The following BMPER variants were observed in gnomAD, a reference collection of about 807,000 sequenced individuals.
The protein encoded by BMPER is BMP binding endothelial regulator.
A neutral mutation model predicts 87.3 loss-of-function variants in BMPER; 45 were observed. The observed-to-expected ratio is 0.52, with a 90% CI of 0.41 to 0.66. The LOEUF is 0.66. Ranked by LOEUF, BMPER falls within the 30% of genes least tolerant of loss-of-function variation. BMPER has a pLI of 0.00. For missense variants in BMPER, 784 were observed against 867.5 expected (o/e 0.90, Z 1.21); for synonymous variants, 326 against 316.2 (o/e 1.03, Z -0.33).
intron 6 of BMPER, among the ~76,000 whole-genome samples, chr7:34,037,627 G>A (rs1787715641): frequency 6.6e-6 from 1 of 152,232 alleles, no homozygotes; most frequent in Admixed American, 6.5e-5. Flanking sequence ...TCAACTTAAG[G>A]GGTTGGTGCT....
chr7:33,970,292 TC>T, intron 4 of BMPER, 36 bp from the exon 5 acceptor site: 1 of 1,597,640 alleles, frequency 6.3e-7, no homozygotes, highest in Non-Finnish European at 8.6e-7. Context: ...CCGTGGGAAT[TC>T]TGGGCTGACT....
rs895874463 is a variant in BMPER at position 33,966,415 on chromosome 7, A to G, written c.320-64A>G. On this transcript the variant is annotated intron_variant, in intron 3 of 14. Coordinates refer to ENST00000649409, the MANE Select transcript of BMPER (RefSeq NM_001365308.1). ...TAGAGAACATAACTTATTTTGCTCC[A>G]AAAGGTAAAGGAAACCCATACCCAT... The G allele has an allele frequency of 8.5e-6, 12 of 1,417,976 alleles. No homozygotes were observed. In the African/African-American group the frequency reaches 1.3e-4, roughly 15 times the overall value. The allele number at this position is 1,417,976 out of a possible 1,614,324, so 87.8% of individuals were successfully genotyped here. A position where few individuals can be genotyped will look rare whatever the true frequency, so the allele number is the denominator to read the frequency against.
At chr7:33,935,413 C>A (rs1482382752) in intron 2 of BMPER, among the ~76,000 whole-genome samples, 2 of 152,078 alleles carry the variant, frequency 1.3e-5, no homozygotes, top group Non-Finnish European at 2.9e-5. Flanking sequence ...CTTAGATTAA[C>A]CAGATCTGAG....
chr7:34,038,089 G>A (rs1787729729), intron 6 of BMPER, among the ~76,000 whole-genome samples: 2 of 152,214 alleles, frequency 1.3e-5, no homozygotes, highest in African/African-American at 4.8e-5. Flanking sequence ...AGATGTCCAT[G>A]TCCTAATCTC....
intron 13 of BMPER, among the ~76,000 whole-genome samples, chr7:34,110,070 T>C (rs1470958592): frequency 6.6e-6 from 1 of 152,212 alleles, no homozygotes; most frequent in Non-Finnish European, 1.5e-5. Flanking sequence ...GATGAGATTT[T>C]GAAGCAGCGA....
chr7:34,153,441 T>C lies in BMPER; in HGVS notation c.*168T>C, dbSNP rs1791236300. 1.3e-5 allele frequency: 9 copies of C among 696,164 alleles called. No individual in the cohort carries two copies. The highest frequency in any genetic ancestry group is 1.9e-5 in the Non-Finnish European group (8 of 420,320). The allele number at this position is 696,164 out of a possible 1,614,324, so 43.1% of individuals were successfully genotyped here. ...ATTCAAAAACATTGCATCATTTATA[T>C]GAACTATAGGGGGATTATTATATGT... On this transcript the variant is annotated 3_prime_UTR_variant, in exon 15 of 15. Transcript: ENST00000649409.
intron 2 of BMPER, among the ~76,000 whole-genome samples, chr7:33,929,154 C>G (rs1483293522): frequency 1.3e-5 from 2 of 152,116 alleles, no homozygotes; most frequent in African/African-American, 4.8e-5. Context: ...GCGTGTTTGC[C>G]AGGGCCTGGG....
At chr7:34,003,053 C>G (rs2127936248) in intron 6 of BMPER, among the ~76,000 whole-genome samples, 1 of 151,738 alleles carries the variant, frequency 6.6e-6, no homozygotes, top group East Asian at 1.9e-4. Flanking sequence ...TGATGTTTTG[C>G]TGGTTTTTGT....
chr7:34,036,695 A>T (rs899738157), intron 6 of BMPER, among the ~76,000 whole-genome samples: 8 of 152,156 alleles, frequency 5.3e-5, no homozygotes, highest in Non-Finnish European at 1.2e-4. Flanking sequence ...GCTTGGGCCT[A>T]TAGGGTGGGC....
At chr7:34,041,332 G>A (rs1787827263) in intron 6 of BMPER, among the ~76,000 whole-genome samples, 1 of 152,132 alleles carries the variant, frequency 6.6e-6, no homozygotes, top group South Asian at 2.1e-4. Context: ...ACCCAGGCTT[G>A]TCACTCACTA....
At chr7:33,910,146 A>T (rs1783923973) in intron 2 of BMPER, among the ~76,000 whole-genome samples, 1 of 152,164 alleles carries the variant, frequency 6.6e-6, no homozygotes, top group Non-Finnish European at 1.5e-5. Flanking sequence ...TAGGCAGTTG[A>T]GATTAAACTG....
At chr7:34,026,100 G>T (rs1204994067) in intron 6 of BMPER, among the ~76,000 whole-genome samples, 1 of 152,036 alleles carries the variant, frequency 6.6e-6, no homozygotes, top group African/African-American at 2.4e-5. Context: ...TGGTAAAAAG[G>T]ATAATTCGGG....
rs761036410 is a variant in BMPER, at chr7:34,085,750, C to T, written c.1409-6C>T. 6.8e-6 allele frequency: 11 copies of T among 1,611,518 alleles called. No individual in the cohort carries two copies. Among genetic ancestry groups the T allele is most frequent in the Non-Finnish European group, 9.3e-6 (11 of 1,177,928 alleles). ...TTGATTTCCTTTTCCTCTCCTCCTC[C>T]TCTAGGTTTGGAAATATCTTGGGAT... is the stretch of plus-strand genomic sequence containing the variant. On this transcript the variant is annotated splice_region_variant and splice_polypyrimidine_tract_variant and intron_variant, in intron 12 of 14. Coordinates refer to ENST00000649409, the MANE Select transcript of BMPER (RefSeq NM_001365308.1).
At chr7:33,941,074 T>G (rs1424303366) in intron 3 of BMPER, among the ~76,000 whole-genome samples, 2 of 136,300 alleles carry the variant, frequency 1.5e-5, no homozygotes, top group Non-Finnish European at 3.1e-5. Flanking sequence ...ACATATAATT[T>G]ATATATTTAT....
intron 11 of BMPER, 26 bp downstream of exon 11, chr7:34,062,073 C>A: frequency 1.3e-6 from 2 of 1,596,180 alleles, no homozygotes; most frequent in Non-Finnish European, 1.7e-6. Context: ...TGAAAATGTG[C>A]TATTAGTATT....
At chr7:34,123,579 G>A (rs1265297525) in intron 13 of BMPER, among the ~76,000 whole-genome samples, 1 of 152,176 alleles carries the variant, frequency 6.6e-6, no homozygotes, top group Non-Finnish European at 1.5e-5. Flanking sequence ...ACCAGCAGTG[G>A]AGAGGCCTGG....
At chr7:33,989,676 A>G (rs545328843) in intron 6 of BMPER, among the ~76,000 whole-genome samples, 3,203 of 152,276 alleles carry the variant, frequency 0.021, 104 homozygotes, top group African/African-American at 0.073. Flanking sequence ...TGTTTTGGAC[A>G]TGAAGTCCTT....
intron 13 of BMPER, among the ~76,000 whole-genome samples, chr7:34,124,907 G>T (rs952243054): frequency 2.0e-5 from 3 of 151,790 alleles, no homozygotes; most frequent in African/African-American, 7.3e-5. Flanking sequence ...TGTTGCACCT[G>T]TAAGTATGAA....
chr7:34,092,721 A>G (rs1344578768), intron 13 of BMPER, among the ~76,000 whole-genome samples: 2 of 152,196 alleles, frequency 1.3e-5, no homozygotes, highest in Admixed American at 1.3e-4. Flanking sequence ...CTTTCTAGCT[A>G]CCTGAATTTT....
Sources: gnomAD v4.1 joint callset for allele counts (sites outside exome capture counted in the v4.1 genomes callset) on GRCh38, gnomAD v4.1.1 for gene constraint, MANE v1.5 for transcripts, NCBI Gene and HGNC (gene_info 2026-07-23, HGNC 2026-07-21) for gene names.